The following CRLS1 variants were observed in gnomAD, a reference collection of about 807,000 sequenced individuals.
CRLS1 encodes the protein cardiolipin synthase 1.
In CRLS1, 24 loss-of-function variants were observed where a neutral mutation model predicts 37.0. That is an observed-to-expected ratio of 0.65 (90% CI 0.47 to 0.91). CRLS1 has a LOEUF of 0.91. Among genes scored for constraint, CRLS1 ranks in the 40% least tolerant of loss-of-function variants. The pLI is 0.00. For missense variants in CRLS1, 373 were observed against 395.8 expected (o/e 0.94, Z 0.49); for synonymous variants, 135 against 159.7 (o/e 0.85, Z 1.17).
At chr20:6,007,119 GT>G (rs1383348349) in intron 1 of CRLS1, 47 of 685,866 alleles carry the variant, frequency 6.9e-5, no homozygotes, top group Non-Finnish European at 9.2e-5. Context: ...CCACTTACCT[GT>G]TGATATGCTA....
chr20:6,008,045 G>T (rs1470443544), intron 1 of CRLS1, among the ~76,000 whole-genome samples: 1 of 149,526 alleles, frequency 6.7e-6, no homozygotes, highest in African/African-American at 2.5e-5. Context: ...GTGCTTTCTT[G>T]CTGGGTTTCT....
intron 6 of CRLS1, 85 bp from the exon 7 acceptor site, chr20:6,036,989 T>C (rs928511816): frequency 2.2e-6 from 2 of 912,360 alleles, no homozygotes; most frequent in Non-Finnish European, 1.7e-6. Context: ...ACATTTTAAA[T>C]TCATTGCATG....
chr20:6,036,607 T>C (rs1227375079), intron 6 of CRLS1, among the ~76,000 whole-genome samples: 5 of 152,188 alleles, frequency 3.3e-5, no homozygotes, highest in African/African-American at 1.2e-4. Context: ...GCTTTAGAGT[T>C]CAAACGAAGT....
chr20:6,007,853 C>G (rs888489031), intron 1 of CRLS1, among the ~76,000 whole-genome samples: 7 of 152,054 alleles, frequency 4.6e-5, no homozygotes, highest in African/African-American at 1.7e-4. Flanking sequence ...GGATGTATTC[C>G]AAGAATGTTT....
intron 3 of CRLS1, among the ~76,000 whole-genome samples, chr20:6,022,603 G>A (rs560215763): frequency 5.9e-5 from 9 of 152,066 alleles, no homozygotes; most frequent in African/African-American, 1.9e-4. Context: ...CTTCCAAAGC[G>A]CTCTGATTAC....
chr20:6,023,189 T>C (rs1360422407), intron 3 of CRLS1, among the ~76,000 whole-genome samples: 1 of 152,266 alleles, frequency 6.6e-6, no homozygotes, highest in Non-Finnish European at 1.5e-5. Context: ...ACTCTGATGA[T>C]TCAAAAATCT....
At chr20:6,036,025 G>A (rs887517712) in intron 6 of CRLS1, among the ~76,000 whole-genome samples, 6 of 151,880 alleles carry the variant, frequency 4.0e-5, no homozygotes, top group African/African-American at 2.4e-5. Flanking sequence ...GGCTGGTCTC[G>A]AACTCCTGGC....
intron 6 of CRLS1, among the ~76,000 whole-genome samples, 199 bp from the exon 7 acceptor site, chr20:6,036,875 G>T (rs535451967): frequency 1.3e-5 from 2 of 152,132 alleles, no homozygotes; most frequent in South Asian, 4.1e-4. Context: ...TTTGTTTGAC[G>T]TTACTAATTA....
chr20:6,016,266 T>C (rs1401170489), intron 3 of CRLS1, among the ~76,000 whole-genome samples: 1 of 152,224 alleles, frequency 6.6e-6, no homozygotes, highest in Non-Finnish European at 1.5e-5. Context: ...CATGTTATTA[T>C]TGACACTTGG....
intron 2 of CRLS1, among the ~76,000 whole-genome samples, chr20:6,015,052 C>G (rs1978635270): frequency 6.6e-6 from 1 of 152,122 alleles, no homozygotes; most frequent in African/African-American, 2.4e-5. Flanking sequence ...AAATACATCA[C>G]TAACCGTATC....
intron 2 of CRLS1, among the ~76,000 whole-genome samples, chr20:6,011,440 C>T (rs1179581277): frequency 6.6e-6 from 1 of 151,922 alleles, no homozygotes; most frequent in Non-Finnish European, 1.5e-5. Flanking sequence ...TGTTACATGG[C>T]ATTTCCAAAC....
chr20:6,018,083 G>A (rs2122956387), intron 3 of CRLS1, among the ~76,000 whole-genome samples: 1 of 151,838 alleles, frequency 6.6e-6, no homozygotes, highest in East Asian at 1.9e-4. Context: ...ATATGTGGTG[G>A]CACGTGCCTG....
chr20:6,035,527 AAGAG>A (rs1600393858), intron 6 of CRLS1, among the ~76,000 whole-genome samples: 2 of 142,892 alleles, frequency 1.4e-5, no homozygotes, highest in African/African-American at 2.6e-5. Flanking sequence ...GGAACCCATG[AAGAG>A]AGAGACAGTA....
At chr20:6,007,548 C>A in intron 1 of CRLS1, 1 of 821,234 alleles carries the variant, frequency 1.2e-6, no homozygotes, top group Non-Finnish European at 2.0e-6. Context: ...CTTCACTGTT[C>A]CAGCAACATT....
intron 3 of CRLS1, among the ~76,000 whole-genome samples, chr20:6,020,162 C>T (rs946093533): frequency 5.9e-5 from 9 of 152,040 alleles, no homozygotes; most frequent in East Asian, 1.9e-4. Flanking sequence ...TTTTCCTATA[C>T]GCCTTCATAG....
Position 6,019,461 on chromosome 20 carries a change from C to A in CRLS1, c.574+3971C>A, listed in dbSNP as rs138086069. Reference sequence around the variant, plus strand: ...ATAGCTCTCATTAACCTTTTGATGTCTGTAGGATATGTAGTAATGTCCTCC... The same window carrying A: ...ATAGCTCTCATTAACCTTTTGATGTATGTAGGATATGTAGTAATGTCCTCC... On this transcript the variant is annotated intron_variant, in intron 3 of 6. Coordinates refer to ENST00000378863, the MANE Select transcript of CRLS1 (RefSeq NM_019095.6). Among the ~76,000 whole-genome samples, 929 of 149,678 alleles carry A rather than the reference C, an allele frequency of 6.2e-3. 5 individuals are homozygous for A. Among genetic ancestry groups the A allele is most frequent in the African/African-American group, 0.022 (890 of 40,834 alleles).
At chr20:6,009,638 AT>A (rs1217494080) in intron 1 of CRLS1, 136 bp from the exon 2 acceptor site, 1 of 643,656 alleles carries the variant, frequency 1.6e-6, no homozygotes, top group Non-Finnish European at 2.5e-6. Context: ...TTAAAATTCA[AT>A]TTAATGTACT....
At position 6,037,166 on chromosome 20, in the gene CRLS1, C is replaced by G; in HGVS notation, c.*8C>G. On this transcript the variant is annotated 3_prime_UTR_variant, in exon 7 of 7. Coordinates refer to ENST00000378863, the MANE Select transcript of CRLS1 (RefSeq NM_019095.6). ...CAGGTGATAAAAGACTGATGAAAGT[C>G]ATCCCTCACTGTTAGTAAGGAAGCA... 6.2e-7 allele frequency: 1 copy of G among 1,600,700 alleles called. No individual in the cohort carries two copies. Among genetic ancestry groups the G allele is most frequent in the Non-Finnish European group, 8.6e-7 (1 of 1,168,256 alleles).
At chr20:6,007,519 T>A in intron 1 of CRLS1, 1 of 1,155,030 alleles carries the variant, frequency 8.7e-7, no homozygotes, top group Non-Finnish European at 1.3e-6. Flanking sequence ...ATATTCTATG[T>A]GGAGCTAAAA....
Sources: gnomAD v4.1 joint callset for allele counts (sites outside exome capture counted in the v4.1 genomes callset) on GRCh38, gnomAD v4.1.1 for gene constraint, MANE v1.5 for transcripts, NCBI Gene and HGNC (gene_info 2026-07-23, HGNC 2026-07-21) for gene names.